Variants in NUTM2B observed in about 807,000 individuals in gnomAD.
The protein encoded by NUTM2B is family with sequence similarity 22, member B.
NUTM2B carries 2 observed loss-of-function variants against 42.4 expected under a neutral mutation model. That is an observed-to-expected ratio of 0.05 (90% CI 0.02 to 0.15). The LOEUF is 0.15. NUTM2B is among the 10% of genes least tolerant of loss of function. The pLI is 1.00. For synonymous variants in NUTM2B, 18 were observed against 402.4 expected (o/e 0.04, Z 11.43); for missense variants, 58 against 952.6 (o/e 0.06, Z 12.36).
At chr10:79,699,017 C>T (rs888355974), upstream of NUTM2B, among the ~76,000 whole-genome samples, 5 of 152,162 alleles carry the variant, frequency 3.3e-5, no homozygotes, top group African/African-American at 7.2e-5. Flanking sequence ...CACCTCATAA[C>T]TGCACACGTT....
At chr10:79,701,300 T>C (rs987647771), upstream of NUTM2B, among the ~76,000 whole-genome samples, 2 of 152,108 alleles carry the variant, frequency 1.3e-5, no homozygotes, top group African/African-American at 4.8e-5. Flanking sequence ...GAAATGTTTT[T>C]GTTGTAGCCT....
chr10:79,694,548 C>T, the NUTM2B span, among the ~76,000 whole-genome samples: 39,606 of 151,866 alleles, frequency 0.26, 5,847 homozygotes, highest in East Asian at 0.69. Flanking sequence ...TCAGGGGGGC[C>T]TCCCTGTCTC....
chr10:79,701,462 G>A (rs1379030637), upstream of NUTM2B, among the ~76,000 whole-genome samples: 2 of 152,028 alleles, frequency 1.3e-5, no homozygotes, highest in African/African-American at 2.4e-5. Flanking sequence ...ACCTTCAGAA[G>A]AAACTTTAAT....
the NUTM2B span, among the ~76,000 whole-genome samples, chr10:79,694,363 A>T: frequency 6.7e-6 from 1 of 150,042 alleles, no homozygotes; most frequent in East Asian, 2.0e-4. Context: ...GTGCCACTGC[A>T]CTCCAGCCTG....
At chr10:79,696,205 G>C in the NUTM2B span, among the ~76,000 whole-genome samples, 1 of 148,972 alleles carries the variant, frequency 6.7e-6, no homozygotes, top group Admixed American at 6.7e-5. Flanking sequence ...TCTCCAGGGG[G>C]AAATAGGAAA....
the NUTM2B span, among the ~76,000 whole-genome samples, chr10:79,696,232 C>A: frequency 0.25 from 36,271 of 146,708 alleles, 5,201 homozygotes; most frequent in East Asian, 0.68. Context: ...AATTGTGATG[C>A]TTAAGTGGTG....
chr10:79,695,912 C>T, the NUTM2B span, among the ~76,000 whole-genome samples: 1 of 151,150 alleles, frequency 6.6e-6, no homozygotes, highest in Admixed American at 6.6e-5. Context: ...CTGCATCCAT[C>T]TGTAGGAGGA....
At chr10:79,692,682 C>G in the NUTM2B span, among the ~76,000 whole-genome samples, 1 of 152,184 alleles carries the variant, frequency 6.6e-6, no homozygotes, top group African/African-American at 2.4e-5. Flanking sequence ...CAGCTGTGTC[C>G]TTGCTGGTAG....
chr10:79,695,174 G>A, the NUTM2B span, among the ~76,000 whole-genome samples: 1 of 152,050 alleles, frequency 6.6e-6, no homozygotes, highest in Admixed American at 6.5e-5. Flanking sequence ...CCAGCTCTAG[G>A]TGGGACTGTG....
At chr10:79,698,134 C>T in the NUTM2B span, among the ~76,000 whole-genome samples, 1 of 148,454 alleles carries the variant, frequency 6.7e-6, no homozygotes, top group Non-Finnish European at 1.5e-5. Context: ...TGAATACACA[C>T]CTCACCCTCC....
upstream of NUTM2B, among the ~76,000 whole-genome samples, chr10:79,700,583 A>C (rs185521042): frequency 0.011 from 1,696 of 152,192 alleles, 13 homozygotes; most frequent in Non-Finnish European, 0.018. Context: ...CCCCGTGGAC[A>C]CTGGTGACCA....
upstream of NUTM2B, among the ~76,000 whole-genome samples, chr10:79,700,530 T>A (rs1253522730): frequency 6.6e-6 from 1 of 152,236 alleles, no homozygotes; most frequent in Non-Finnish European, 1.5e-5. Context: ...CGCTCCCGCC[T>A]TGAGCACAGC....
chr10:79,707,229 GATGGTCTCGGGC>G lies in NUTM2B; in HGVS notation c.1082+489_1082+500del, dbSNP rs1416951620. Among the ~76,000 whole-genome samples, 13 of 132,912 alleles carry G rather than the reference GATGGTCTCGGGC, an allele frequency of 9.8e-5. 4 individuals are homozygous for G. Among genetic ancestry groups the G allele is most frequent in the African/African-American group, 3.7e-4 (13 of 34,822 alleles). 87.2% of individuals were successfully genotyped at this position (132,912 alleles called of 152,430 possible). On this transcript the variant is annotated intron_variant, in intron 2 of 6. Transcript: ENST00000429828. Reference sequence around the variant, plus strand: ...AGCGGTGGTGGAGCCTGCATAGGGGGATGGTCTCGGGCCCTGCACTGGGGCCGATGCCGGGCA... The same window carrying G: ...AGCGGTGGTGGAGCCTGCATAGGGGGCCTGCACTGGGGCCGATGCCGGGCA...
the NUTM2B span, among the ~76,000 whole-genome samples, chr10:79,698,210 G>A: frequency 2.1e-5 from 3 of 145,740 alleles, no homozygotes; most frequent in South Asian, 2.2e-4. Context: ...TCTAATATAC[G>A]CACACAACTT....
At chr10:79,712,331 C>G in exon 7 of NUTM2B, 1 of 1,510,628 alleles carries the variant, frequency 6.6e-7, no homozygotes, top group Non-Finnish European at 8.9e-7. Flanking sequence ...GGAAGCCTGT[C>G]CCCTGCTGAA....
At chr10:79,700,656 C>T (rs1363685919), upstream of NUTM2B, among the ~76,000 whole-genome samples, 2 of 152,084 alleles carry the variant, frequency 1.3e-5, no homozygotes, top group Admixed American at 1.3e-4. Flanking sequence ...TTTTAGGTAA[C>T]ACCAAGAAGG....
At chr10:79,702,525 T>G (rs1840329921), upstream of NUTM2B, among the ~76,000 whole-genome samples, 1 of 151,668 alleles carries the variant, frequency 6.6e-6, no homozygotes, top group Admixed American at 6.6e-5. Context: ...CGCTGTTACA[T>G]TTTCCTGCAA....
the NUTM2B span, among the ~76,000 whole-genome samples, chr10:79,695,307 T>C: frequency 6.6e-6 from 1 of 152,190 alleles, no homozygotes; most frequent in African/African-American, 2.4e-5. Flanking sequence ...TTCCTCAGGC[T>C]GAGTATACAT....
upstream of NUTM2B, among the ~76,000 whole-genome samples, chr10:79,698,973 C>T (rs1047008033): frequency 2.0e-5 from 3 of 152,164 alleles, no homozygotes; most frequent in Non-Finnish European, 2.9e-5. Flanking sequence ...GAAATAACTC[C>T]TCCATCTTCC....
Sources: gnomAD v4.1 joint callset for allele counts (sites outside exome capture counted in the v4.1 genomes callset) on GRCh38, gnomAD v4.1.1 for gene constraint, MANE v1.5 for transcripts, NCBI Gene and HGNC (gene_info 2026-07-23, HGNC 2026-07-21) for gene names.